PTPRG: variants seen among roughly 807,000 people sequenced by gnomAD.
PTPRG encodes the protein protein tyrosine phosphatase receptor type G, also known as receptor-type tyrosine-protein phosphatase gamma.
A neutral mutation model predicts 165.3 loss-of-function variants in PTPRG; 102 were observed. The observed-to-expected ratio is 0.62, with a 90% CI of 0.53 to 0.73. The LOEUF is 0.73. Ranked by LOEUF, PTPRG falls within the 30% of genes least tolerant of loss-of-function variation. The pLI is 0.00. For missense variants in PTPRG, 1,866 were observed against 1,861.4 expected (o/e 1.00, Z -0.05); for synonymous variants, 675 against 669.5 (o/e 1.01, Z -0.13).
chr3:61,642,798 G>A (rs1001470102), intron 1 of PTPRG, among the ~76,000 whole-genome samples: 10 of 152,144 alleles, frequency 6.6e-5, no homozygotes, highest in Non-Finnish European at 1.0e-4. Flanking sequence ...GGAAGTTGAT[G>A]GAGTGATGGA....
At chr3:61,765,965 A>G (rs2034002857) in intron 2 of PTPRG, among the ~76,000 whole-genome samples, 1 of 152,166 alleles carries the variant, frequency 6.6e-6, no homozygotes, top group Non-Finnish European at 1.5e-5. Flanking sequence ...TATGGAGCTC[A>G]AAGGCTCTCT....
intron 2 of PTPRG, among the ~76,000 whole-genome samples, chr3:61,968,543 T>C (rs2040320613): frequency 6.6e-6 from 1 of 152,180 alleles, no homozygotes; most frequent in Admixed American, 6.6e-5. Flanking sequence ...CCCAAAATAT[T>C]TGTGGTAAAT....
intron 2 of PTPRG, among the ~76,000 whole-genome samples, chr3:61,843,844 C>G (rs2036724302): frequency 6.6e-6 from 1 of 151,746 alleles, no homozygotes; most frequent in African/African-American, 2.4e-5. Context: ...AACAAAAAAC[C>G]CAGTTTTCCA....
intron 2 of PTPRG, among the ~76,000 whole-genome samples, chr3:61,892,989 C>T (rs1302043901): frequency 6.6e-6 from 1 of 152,134 alleles, no homozygotes; most frequent in East Asian, 1.9e-4. Context: ...GAATCAAACT[C>T]GATTCAAAAC....
chr3:61,835,069 A>G (rs2036419864), intron 2 of PTPRG, among the ~76,000 whole-genome samples: 1 of 152,172 alleles, frequency 6.6e-6, no homozygotes, highest in Non-Finnish European at 1.5e-5. Flanking sequence ...AAATATACCT[A>G]AGATTCAGCA....
chr3:61,857,731 G>A (rs146704146), intron 2 of PTPRG, among the ~76,000 whole-genome samples: 2 of 152,250 alleles, frequency 1.3e-5, no homozygotes, highest in African/African-American at 4.8e-5. Flanking sequence ...TTATTAGTAT[G>A]CTGATGTTGA....
chr3:61,735,864 C>T (rs552389363), intron 1 of PTPRG, among the ~76,000 whole-genome samples: 38 of 151,202 alleles, frequency 2.5e-4, no homozygotes, highest in Non-Finnish European at 4.1e-4. Context: ...TTTTGGGAGG[C>T]AGAGTTGAGG....
rs532883132 is a variant in PTPRG, at chr3:61,991,499, C to G, written c.370+1695C>G. 1.2e-4 allele frequency among the ~76,000 whole-genome samples: 18 copies of G among 152,372 alleles called. No individual in the cohort carries two copies. The East Asian group carries it at 3.5e-3, about 29-fold the overall frequency. On this transcript the variant is annotated intron_variant, in intron 3 of 29. Transcript: ENST00000474889. Reference sequence around the variant, plus strand: ...GGGATTACAGGCATGAGCCACTGCACCTGGCCTGTACGTACCTTTTCATCC... The same window carrying G: ...GGGATTACAGGCATGAGCCACTGCAGCTGGCCTGTACGTACCTTTTCATCC...
rs755369705 is a variant in PTPRG, at chr3:61,815,867, C to G, written c.190+66885C>G. Reference sequence around the variant, plus strand: ...TTCCTCATTTGCCCTAAAAACATAACCAGTGTTTGGAAATTCTAGAATGGA... The same window carrying G: ...TTCCTCATTTGCCCTAAAAACATAAGCAGTGTTTGGAAATTCTAGAATGGA... On this transcript the variant is annotated intron_variant, in intron 2 of 29. Transcript: ENST00000474889. 1.2e-4 allele frequency among the ~76,000 whole-genome samples: 18 copies of G among 152,248 alleles called. No individual in the cohort carries two copies. In the South Asian group the frequency reaches 3.5e-3, roughly 30 times the overall value.
intron 2 of PTPRG, among the ~76,000 whole-genome samples, chr3:61,972,407 G>A (rs79395418): frequency 6.8e-6 from 1 of 146,724 alleles, no homozygotes; most frequent in East Asian, 2.1e-4. Flanking sequence ...CTGTTGGGGG[G>A]TTTCATGCAG....
intron 10 of PTPRG, among the ~76,000 whole-genome samples, chr3:62,200,656 G>A (rs749491621): frequency 6.6e-6 from 1 of 152,116 alleles, no homozygotes; most frequent in Non-Finnish European, 1.5e-5. Context: ...ATTGTTTAAT[G>A]ATAACACATA....
chr3:61,729,305 A>G (rs1202616776), intron 1 of PTPRG, among the ~76,000 whole-genome samples: 1 of 152,096 alleles, frequency 6.6e-6, no homozygotes, highest in African/African-American at 2.4e-5. Context: ...TGATACCAAC[A>G]TTTTTAAAGG....
chr3:62,201,316 C>T (rs1434335656), intron 10 of PTPRG, among the ~76,000 whole-genome samples, 189 bp from the exon 11 acceptor site: 1 of 152,184 alleles, frequency 6.6e-6, no homozygotes, highest in Non-Finnish European at 1.5e-5. Context: ...AAATCTAGCT[C>T]TCCGCATGTT....
intron 2 of PTPRG, among the ~76,000 whole-genome samples, chr3:61,856,539 T>A (rs1447311114): frequency 1.3e-5 from 2 of 152,204 alleles, no homozygotes; most frequent in Non-Finnish European, 2.9e-5. Flanking sequence ...AAATATATCC[T>A]TCCATACTTT....
At chr3:62,017,489 C>G (rs1198453435) in intron 4 of PTPRG, among the ~76,000 whole-genome samples, 2 of 151,582 alleles carry the variant, frequency 1.3e-5, no homozygotes, top group Admixed American at 6.6e-5. Flanking sequence ...TGTCTTGGCT[C>G]ACTGCGAGCT....
chr3:62,242,861 G>A lies in PTPRG; in HGVS notation c.2376-946G>A, dbSNP rs531005182. ...AAATGTTGTTTGGTGTGCGACGCCAGAGGAGGACAGATCCCAGTGACACTG... is the reference window on the plus strand; with the variant it reads ...AAATGTTGTTTGGTGTGCGACGCCAAAGGAGGACAGATCCCAGTGACACTG... On this transcript the variant is annotated intron_variant, in intron 14 of 29. Transcript: ENST00000474889. Among the ~76,000 whole-genome samples, 4 of 151,962 alleles carry A rather than the reference G, an allele frequency of 2.6e-5. No homozygotes were observed. The South Asian group carries it at 8.3e-4, about 31-fold the overall frequency.
chr3:61,879,425 T>C (rs138716293), intron 2 of PTPRG, among the ~76,000 whole-genome samples: 6 of 152,306 alleles, frequency 3.9e-5, no homozygotes, highest in African/African-American at 1.2e-4. Context: ...TGTATAATTC[T>C]TGTATTTTGG....
intron 5 of PTPRG, among the ~76,000 whole-genome samples, chr3:62,092,464 A>G (rs930734217): frequency 6.6e-6 from 1 of 151,696 alleles, no homozygotes; most frequent in African/African-American, 2.4e-5. Context: ...AAAAAAGAAA[A>G]AGACAAGGAC....
At chr3:61,739,605 A>T (rs1445490592) in intron 1 of PTPRG, among the ~76,000 whole-genome samples, 1 of 152,216 alleles carries the variant, frequency 6.6e-6, no homozygotes, top group African/African-American at 2.4e-5. Flanking sequence ...TTATGTAAGT[A>T]ACATACCTTT....
Sources: allele counts gnomAD v4.1 joint callset (sites outside exome capture counted in the v4.1 genomes callset), GRCh38; gene constraint gnomAD v4.1.1; transcripts MANE v1.5; gene names NCBI Gene and HGNC (gene_info 2026-07-23, HGNC 2026-07-21).